PEX5L: variants seen among roughly 807,000 people sequenced by gnomAD.
PEX5L encodes PEX5-related protein.
Under a neutral mutation model 84.0 loss-of-function variants are expected in PEX5L, and 30 were observed. The ratio of observed to expected loss-of-function variants is 0.36; its 90% CI spans 0.27 to 0.48. The LOEUF (loss-of-function observed/expected upper bound fraction) is 0.48. Ranked by LOEUF, PEX5L falls within the 20% of genes least tolerant of loss-of-function variation. The pLI is 0.99. For missense variants in PEX5L, 533 were observed against 754.6 expected (o/e 0.71, Z 3.44); for synonymous variants, 270 against 283.1 (o/e 0.95, Z 0.46).
At chr3:179,806,667 A>C (rs1029459173) in intron 14 of PEX5L, among the ~76,000 whole-genome samples, 5 of 152,228 alleles carry the variant, frequency 3.3e-5, no homozygotes, top group Admixed American at 2.0e-4. Context: ...CAAAAATAAT[A>C]ATCATCATAA....
chr3:180,027,629 C>T (rs894985968), intron 1 of PEX5L, among the ~76,000 whole-genome samples: 1 of 152,082 alleles, frequency 6.6e-6, no homozygotes, highest in African/African-American at 2.4e-5. Flanking sequence ...GTATAGTCAT[C>T]CAGTTCAAAA....
intron 8 of PEX5L, among the ~76,000 whole-genome samples, chr3:179,840,247 G>C (rs539940812): frequency 1.1e-4 from 14 of 132,660 alleles, no homozygotes; most frequent in Non-Finnish European, 1.9e-4. Flanking sequence ...GGAGTGCAGT[G>C]GCATGATCTT....
rs1159449380 is a variant in PEX5L, at chr3:180,036,892, G to T, written c.-293C>A. ...CAGGCGCGGGTCCTGCTCGCGGGGC[G>T]TCTCTAGAACTCACTCCTTCTTCGC... is the stretch of plus-strand genomic sequence containing the variant. On this transcript the variant is annotated 5_prime_UTR_variant, in exon 1 of 15. Coordinates refer to ENST00000467460, the MANE Select transcript of PEX5L (RefSeq NM_016559.3). 1.9e-6 allele frequency: 1 copy of T among 515,908 alleles called. No homozygotes were observed. Among genetic ancestry groups the T allele is most frequent in the Non-Finnish European group, 3.5e-6 (1 of 282,894 alleles). 32.0% of individuals were successfully genotyped at this position (515,908 alleles called of 1,614,324 possible).
chr3:179,804,831 C>G (rs1720571407), intron 14 of PEX5L, among the ~76,000 whole-genome samples: 1 of 152,134 alleles, frequency 6.6e-6, no homozygotes, highest in Non-Finnish European at 1.5e-5. Context: ...ATTTATGTCT[C>G]TCTCTCGCCG....
intron 1 of PEX5L, among the ~76,000 whole-genome samples, chr3:179,989,832 A>G (rs528409998): frequency 1.3e-5 from 2 of 152,350 alleles, no homozygotes; most frequent in South Asian, 4.1e-4. Context: ...ATCAATTCAA[A>G]TGATAAAAGT....
intron 1 of PEX5L, among the ~76,000 whole-genome samples, chr3:180,031,203 G>T (rs1791434182): frequency 6.6e-6 from 1 of 152,110 alleles, no homozygotes; most frequent in African/African-American, 2.4e-5. Context: ...CAATTGTCTT[G>T]ATAGTTAATG....
intron 3 of PEX5L, among the ~76,000 whole-genome samples, chr3:179,889,170 A>G (rs1756851051): frequency 1.3e-5 from 2 of 152,148 alleles, no homozygotes; most frequent in Non-Finnish European, 2.9e-5. Flanking sequence ...CCAAATCAAA[A>G]TATTTTATAT....
chr3:179,819,816 G>T (rs751194550), intron 9 of PEX5L, 44 bp downstream of exon 9: 9 of 1,539,772 alleles, frequency 5.8e-6, no homozygotes, highest in African/African-American at 1.4e-5. Context: ...GATCCAAAAA[G>T]GTGGAGAAAA....
intron 2 of PEX5L, among the ~76,000 whole-genome samples, chr3:179,951,106 C>T (rs1778970345): frequency 6.6e-6 from 1 of 152,170 alleles, no homozygotes; most frequent in Admixed American, 6.5e-5. Flanking sequence ...GTTATTCTTG[C>T]TTCCTCTCCC....
At chr3:179,821,489 A>C (rs184041730) in intron 8 of PEX5L, among the ~76,000 whole-genome samples, 1 of 152,308 alleles carries the variant, frequency 6.6e-6, no homozygotes, top group African/African-American at 2.4e-5. Context: ...TATTTCTTTT[A>C]GATACAAATG....
At chr3:179,822,749 A>G (rs537404412) in intron 8 of PEX5L, among the ~76,000 whole-genome samples, 1 of 152,346 alleles carries the variant, frequency 6.6e-6, no homozygotes, top group East Asian at 1.9e-4. Context: ...TCTGTGTAAC[A>G]AGCTATCTGC....
At chr3:179,895,896 A>G (rs1249402238) in intron 3 of PEX5L, among the ~76,000 whole-genome samples, 1 of 152,168 alleles carries the variant, frequency 6.6e-6, no homozygotes, top group Non-Finnish European at 1.5e-5. Context: ...AATCTATCAC[A>G]TGAGCATCTG....
In PEX5L at chr3:179,920,016, T is replaced by C. The variant is rs113625867; in HGVS notation, c.94-21770A>G. ...CTGAGCTTGGTCAACTTTTTAAAGA[T>C]AGTAGTTAAGTTTAGAAGTGCTTGC... On this transcript the variant is annotated intron_variant, in intron 2 of 14. Transcript: ENST00000467460. Among the ~76,000 whole-genome samples, 29 of 152,342 alleles carry C rather than the reference T, an allele frequency of 1.9e-4. 1 individual carries two copies. Among genetic ancestry groups the C allele is most frequent in the African/African-American group, 5.5e-4 (23 of 41,590 alleles).
chr3:179,917,037 T>TA (rs1467493619), intron 2 of PEX5L, among the ~76,000 whole-genome samples: 1 of 116,432 alleles, frequency 8.6e-6, no homozygotes, highest in East Asian at 2.6e-4. Context: ...TGTATGGCTG[T>TA]AAAAAAATAT....
In PEX5L at chr3:179,964,458, T is replaced by G. The variant is rs553942356; in HGVS notation, c.93+7136A>C. Among the ~76,000 whole-genome samples, 6 of 152,234 alleles carry G rather than the reference T, an allele frequency of 3.9e-5. No homozygotes were observed. The East Asian group carries it at 1.2e-3, about 29-fold the overall frequency. ...CAAAAGTTGACAAATGGGACCTAAT[T>G]AAACTAAAGAGCTTCTGCACAGCAA... On this transcript the variant is annotated intron_variant, in intron 2 of 14. Coordinates refer to ENST00000467460, the MANE Select transcript of PEX5L (RefSeq NM_016559.3).
intron 2 of PEX5L, among the ~76,000 whole-genome samples, chr3:179,928,968 G>C (rs1307324738): frequency 6.6e-6 from 1 of 152,142 alleles, no homozygotes; most frequent in Non-Finnish European, 1.5e-5. Context: ...TCATTAGTGT[G>C]AGTTACTGAG....
intron 2 of PEX5L, among the ~76,000 whole-genome samples, chr3:179,937,639 A>T (rs1774968161): frequency 1.3e-5 from 2 of 152,164 alleles, no homozygotes; most frequent in African/African-American, 4.8e-5. Context: ...TATATAGGAC[A>T]CATGTAGCCT....
chr3:180,015,848 G>T (rs903012423), intron 1 of PEX5L, among the ~76,000 whole-genome samples: 10 of 147,564 alleles, frequency 6.8e-5, no homozygotes, highest in African/African-American at 2.2e-4. Context: ...GTACTTCATA[G>T]AATATAATAA....
chr3:179,898,287 C>A lies in PEX5L; in HGVS notation c.94-41G>T, dbSNP rs139206549. ...CAACAATGACTGTGTCAGGAGAGAT[C>A]TTTAACTTATTATTTATTACAAGAT... On this transcript the variant is annotated intron_variant, in intron 2 of 14. Coordinates refer to ENST00000467460, the MANE Select transcript of PEX5L (RefSeq NM_016559.3). 1,456 of 1,330,414 alleles carry A rather than the reference C, an allele frequency of 1.1e-3. 5 individuals carry two copies. Among genetic ancestry groups the A allele is most frequent in the Middle Eastern group, 9.3e-3 (51 of 5,468 alleles). 82.4% of individuals were successfully genotyped at this position (1,330,414 alleles called of 1,614,324 possible). A position where few individuals can be genotyped will look rare whatever the true frequency, so the allele number is the denominator to read the frequency against.
Sources: allele counts gnomAD v4.1 joint callset (sites outside exome capture counted in the v4.1 genomes callset), GRCh38; gene constraint gnomAD v4.1.1; transcripts MANE v1.5; gene names NCBI Gene and HGNC (gene_info 2026-07-23, HGNC 2026-07-21).